The following DNAAF11 variants were observed in gnomAD, a reference collection of about 807,000 sequenced individuals.
DNAAF11 encodes leucine rich repeat containing 6.
Under a neutral mutation model 60.8 loss-of-function variants are expected in DNAAF11, and 45 were observed. The ratio of observed to expected loss-of-function variants is 0.74; its 90% CI spans 0.58 to 0.95. The LOEUF is 0.95. Among genes scored for constraint, DNAAF11 ranks in the 40% least tolerant of loss-of-function variants. DNAAF11 has a pLI of 0.00. For synonymous variants in DNAAF11, 191 were observed against 183.5 expected, an observed-to-expected ratio of 1.04 and a Z score of -0.33; for missense variants, 546 against 546.2, an observed-to-expected ratio of 1.00 and a Z score of 0.00.
chr8:132,699,123 C>T, the DNAAF11 span, among the ~76,000 whole-genome samples: 22 of 150,040 alleles, frequency 1.5e-4, no homozygotes, highest in East Asian at 3.9e-4. Context: ...AGTGAAACTC[C>T]GTCTCAAAAA....
At chr8:132,669,661 T>A (rs1258273108) in intron 1 of DNAAF11, among the ~76,000 whole-genome samples, 1 of 152,116 alleles carries the variant, frequency 6.6e-6, no homozygotes, top group East Asian at 1.9e-4. Flanking sequence ...GACCAGTACT[T>A]CATCATAAGA....
At chr8:132,572,575 T>C (rs888580322) in intron 11 of DNAAF11, 95 bp from the exon 12 acceptor site, 3 of 831,134 alleles carry the variant, frequency 3.6e-6, no homozygotes, top group Middle Eastern at 2.4e-4. Context: ...CAGCAAACGT[T>C]GGCAAGTAAT....
chr8:132,648,567 A>C (rs1370939639), intron 3 of DNAAF11, among the ~76,000 whole-genome samples: 1 of 152,214 alleles, frequency 6.6e-6, no homozygotes. Flanking sequence ...AGGAAGTCAA[A>C]TTGTCCCTGT....
chr8:132,597,898 T>C (rs1817190283), intron 10 of DNAAF11, among the ~76,000 whole-genome samples: 1 of 152,230 alleles, frequency 6.6e-6, no homozygotes, highest in Non-Finnish European at 1.5e-5. Flanking sequence ...AAGATACTGA[T>C]ACTCATGAAA....
chr8:132,688,177 T>C, the DNAAF11 span, among the ~76,000 whole-genome samples: 5 of 152,324 alleles, frequency 3.3e-5, no homozygotes, highest in East Asian at 3.9e-4. Flanking sequence ...CACCGTTGCA[T>C]TGAGGATTAA....
intron 7 of DNAAF11, among the ~76,000 whole-genome samples, chr8:132,620,834 G>A (rs527522878): frequency 1.1e-4 from 17 of 152,312 alleles, no homozygotes; most frequent in African/African-American, 3.8e-4. Context: ...TTTCTGAGGT[G>A]GAAGAGATAT....
intron 1 of DNAAF11, among the ~76,000 whole-genome samples, chr8:132,668,885 T>C (rs1412052287): frequency 1.3e-5 from 2 of 152,190 alleles, no homozygotes; most frequent in African/African-American, 4.8e-5. Flanking sequence ...GGGGGCTCTG[T>C]TGACAGACAG....
chr8:132,651,082 T>A (rs1822965025), intron 3 of DNAAF11, among the ~76,000 whole-genome samples: 1 of 152,088 alleles, frequency 6.6e-6, no homozygotes, highest in Admixed American at 6.6e-5. Context: ...CCAGCCTCTA[T>A]CTCCTGTTCT....
chr8:132,597,453 C>T (rs1023946099), intron 10 of DNAAF11, among the ~76,000 whole-genome samples: 1 of 152,172 alleles, frequency 6.6e-6, no homozygotes, highest in Admixed American at 6.5e-5. Flanking sequence ...TGAGATCTGA[C>T]TTACCTTCTG....
At chr8:132,655,958 T>C (rs55971706) in intron 3 of DNAAF11, among the ~76,000 whole-genome samples, 13,898 of 152,302 alleles carry the variant, frequency 0.091, 808 homozygotes, top group South Asian at 0.15. Context: ...GCAGTATCTT[T>C]CCAAATATGC....
At chr8:132,663,075 C>T (rs1824288914) in intron 1 of DNAAF11, among the ~76,000 whole-genome samples, 1 of 152,182 alleles carries the variant, frequency 6.6e-6, no homozygotes, top group East Asian at 1.9e-4. Context: ...GTCCTTGCTG[C>T]TCTAAGCTTT....
intron 1 of DNAAF11, chr8:132,675,208 G>A: frequency 2.4e-6 from 1 of 414,090 alleles, no homozygotes. Context: ...CCCTTTCCTG[G>A]AGTCCAGTGC....
chr8:132,600,430 G>A (rs1817490134), intron 10 of DNAAF11, among the ~76,000 whole-genome samples: 3 of 152,088 alleles, frequency 2.0e-5, no homozygotes, highest in Admixed American at 2.0e-4. Flanking sequence ...CTACTTTAAA[G>A]TTCATATGTA....
At chr8:132,634,087 A>C (rs987788771) in intron 4 of DNAAF11, among the ~76,000 whole-genome samples, 4 of 152,212 alleles carry the variant, frequency 2.6e-5, no homozygotes, top group African/African-American at 9.7e-5. Flanking sequence ...ATATAAATTA[A>C]AAAATTATTA....
chr8:132,666,148 T>A (rs1238726065), intron 1 of DNAAF11, among the ~76,000 whole-genome samples: 2 of 152,190 alleles, frequency 1.3e-5, no homozygotes, highest in African/African-American at 4.8e-5. Flanking sequence ...GCTACTATGT[T>A]CACTGTTTGG....
intron 3 of DNAAF11, among the ~76,000 whole-genome samples, chr8:132,654,059 A>G (rs773123309): frequency 3.9e-4 from 60 of 152,208 alleles, no homozygotes; most frequent in Middle Eastern, 6.8e-3. Flanking sequence ...TTGGAAAGGT[A>G]AAAGACAGGA....
rs765843715 is a variant in DNAAF11, at chr8:132,632,903, C to T, written c.490G>A (p.Val164Ile). Residue 164 changes from valine (V) to isoleucine (I), a missense_variant, in exon 5 of 12, where the codon GTA (valine) becomes ATA (isoleucine). By Grantham distance (29) the Val-to-Ile change is conservative (BLOSUM62 3). Coordinates refer to ENST00000620350, the MANE Select transcript of DNAAF11 (RefSeq NM_012472.6). ...TGCTCTCTGATTTGTGGTTCAATTACTGAATAGTCCTGCAATGCCTTAATC... is the reference window on the plus strand; with the variant it reads ...TGCTCTCTGATTTGTGGTTCAATTATTGAATAGTCCTGCAATGCCTTAATC... ...ERIKALQDYS[V>I]IEPQIREQEK... 6.2e-7 allele frequency: 1 copy of T among 1,613,856 alleles called. No homozygotes were observed. Among genetic ancestry groups the T allele is most frequent in the East Asian group, 2.2e-5 (1 of 44,848 alleles).
intron 3 of DNAAF11, among the ~76,000 whole-genome samples, chr8:132,642,435 C>G (rs188744961): frequency 6.6e-6 from 1 of 152,336 alleles, no homozygotes; most frequent in East Asian, 1.9e-4. Flanking sequence ...TTGGGGCTGG[C>G]CCCAGGAACT....
intron 1 of DNAAF11, among the ~76,000 whole-genome samples, chr8:132,662,139 A>G (rs1824200784): frequency 6.6e-6 from 1 of 152,244 alleles, no homozygotes; most frequent in Non-Finnish European, 1.5e-5. Context: ...AAAAGAAAGA[A>G]AAGGAACGCT....
Sources: gnomAD v4.1 joint callset for allele counts (sites outside exome capture counted in the v4.1 genomes callset) on GRCh38, gnomAD v4.1.1 for gene constraint, MANE v1.5 for transcripts, NCBI Gene and HGNC (gene_info 2026-07-23, HGNC 2026-07-21) for gene names.